TMEM41A: variants seen among roughly 807,000 people sequenced by gnomAD.
TMEM41A encodes transmembrane protein 41A.
In TMEM41A, 20 loss-of-function variants were observed where a neutral mutation model predicts 25.7. The observed-to-expected ratio is 0.78, with a 90% confidence interval of 0.55 to 1.13. The LOEUF is 1.13. Ranked by LOEUF, TMEM41A falls within the 50% of genes most tolerant of loss-of-function variation. The pLI is 0.00. For missense variants in TMEM41A, 299 were observed against 314.3 expected, an observed-to-expected ratio of 0.95 and a Z score of 0.37; for synonymous variants, 133 against 139.6, an observed-to-expected ratio of 0.95 and a Z score of 0.33.
chr3:185,492,963 G>A (rs919514684), intron 4 of TMEM41A: 2 of 152,186 alleles, frequency 1.3e-5, no homozygotes, highest in East Asian at 1.9e-4. Flanking sequence ...AAAATTGGCC[G>A]TGGTAGATCT....
At position 185,496,962 on chromosome 3, in the gene TMEM41A, C is replaced by T. The variant is rs139998239; in HGVS notation, c.139G>A (p.Asp47Asn). 87 of 1,597,410 alleles carry T rather than the reference C, an allele frequency of 5.4e-5. No individual in the cohort carries two copies. The highest frequency in any genetic ancestry group is 8.8e-5 in the Admixed American group (5 of 56,726). ...GAGAGCTCCCGCAGCTCTGCCAGGTCGGAGGGGAACCACAGCGACCTGGGG... is the reference window on the plus strand; with the variant it reads ...GAGAGCTCCCGCAGCTCTGCCAGGTTGGAGGGGAACCACAGCGACCTGGGG... Reference protein sequence around the residue: ...AGGRSLWFPSDLAELRELSEV... With the variant: ...AGGRSLWFPSNLAELRELSEV... Residue 47 changes from aspartate (D) to asparagine (N), a missense_variant, in exon 2 of 5, where the codon GAC (aspartate) becomes AAC (asparagine). Transcript: ENST00000421852.
intron 4 of TMEM41A, chr3:185,493,038 GAT>G (rs1346000336): frequency 6.6e-6 from 1 of 152,220 alleles, no homozygotes; most frequent in African/African-American, 2.4e-5. Flanking sequence ...CTCAACCACA[GAT>G]TTGCTCTGTT....
intron 1 of TMEM41A, among the ~76,000 whole-genome samples, chr3:185,497,583 C>T (rs1719140584): frequency 6.6e-6 from 1 of 152,202 alleles, no homozygotes; most frequent in African/African-American, 2.4e-5. Flanking sequence ...TTCAAAGAGC[C>T]TACTATTTAA....
rs1718956296 is a variant in TMEM41A at position 185,491,675 on chromosome 3, C to G, written c.657G>C (p.Trp219Cys). ...TGGCCAACAGCTTAAAGACAGTGTC[C>G]CAGGAGAAAAGAGCATCCAGAGAGG... ...TLTSLDALFS[W>C]DTVFKLLAIA... The change falls in exon 5 of 5, where the codon TGG becomes TGC. Residue 219 changes from tryptophan (W) to cysteine (C), a missense_variant. Physicochemically the swap from Trp to Cys is radical, Grantham distance 215. Coordinates refer to ENST00000421852, the MANE Select transcript of TMEM41A (RefSeq NM_080652.4). The G allele has an allele frequency of 4.3e-6, 7 of 1,614,106 alleles. No individual in the cohort carries two copies. The highest frequency in any genetic ancestry group is 5.9e-6 in the Non-Finnish European group (7 of 1,180,026).
Position 185,494,642 on chromosome 3 carries a change from G to C in TMEM41A, c.555C>G (p.Phe185Leu), listed in dbSNP as rs1000079100. ...TCTTACCGATAAGAACTGAGAAGAA[G>C]AACTGCACGATGGGAATGTTCAGAA... ...APILNIPIVQ[F>L]FFSVLIGLIP... The change falls in exon 4 of 5, where the codon TTC (phenylalanine) becomes TTG (leucine). Residue 185 changes from phenylalanine (F) to leucine (L), a missense_variant. Transcript: ENST00000421852. 1 of 1,608,766 alleles carries C rather than the reference G, an allele frequency of 6.2e-7. No individual in the cohort carries two copies. Among genetic ancestry groups the C allele is most frequent in the African/African-American group, 1.3e-5 (1 of 74,556 alleles).
chr3:185,496,520 T>C (rs890132240), intron 2 of TMEM41A: 52 of 391,652 alleles, frequency 1.3e-4, no homozygotes, highest in Non-Finnish European at 2.0e-4. Flanking sequence ...ACACCTCCCC[T>C]GCCTCTCTTG....
At chr3:185,498,739 C>A in intron 1 of TMEM41A, 104 bp downstream of exon 1, 1 of 845,606 alleles carries the variant, frequency 1.2e-6, no homozygotes, top group Non-Finnish European at 1.8e-6. Context: ...CAATTCCCAA[C>A]GCCTCCGATA....
intron 2 of TMEM41A, 164 bp downstream of exon 2, chr3:185,496,664 C>T (rs1351937365): frequency 2.0e-5 from 16 of 820,308 alleles, no homozygotes; most frequent in South Asian, 3.2e-5. Flanking sequence ...TCTCCCACTT[C>T]GGTGCTCAAT....
At chr3:185,495,117 T>C (rs756114191) in intron 3 of TMEM41A, 37 bp downstream of exon 3, 2 of 1,609,832 alleles carry the variant, frequency 1.2e-6, no homozygotes, top group Middle Eastern at 1.7e-4. Context: ...AGCGACTGTC[T>C]GGGGTCCCAG....
rs752047398 is a variant in TMEM41A at position 185,498,864 on chromosome 3, G to A, written c.98C>T (p.Ser33Phe). 4 of 1,604,830 alleles carry A rather than the reference G, an allele frequency of 2.5e-6. No homozygotes were observed. Among genetic ancestry groups the A allele is most frequent in the South Asian group, 1.1e-5 (1 of 89,460 alleles). The change falls in exon 1 of 5, where the codon TCC (serine) becomes TTC (phenylalanine). Residue 33 changes from serine to phenylalanine, a missense_variant. Transcript: ENST00000421852. ...GCACCTGCCTCCAGCCTCCTCGGTG[G>A]AGCCCAGTCTCCGCCCGCGGGGCAG... is the stretch of plus-strand genomic sequence containing the variant. ...TRLPRGRRLG[S>F]TEEAGGRSLW...
chr3:185,490,237 C>G lies in TMEM41A; in HGVS notation c.*1300G>C, dbSNP rs1476220280. ...TTAAGATACAACACAACAAAGTTAT[C>G]AGAAGCCAAGGTTTCCTCTTTGAAT... is the stretch of plus-strand genomic sequence containing the variant. On this transcript the variant is annotated 3_prime_UTR_variant, in exon 5 of 5. Transcript: ENST00000421852. The G allele has an allele frequency of 1.3e-5, 2 of 152,144 alleles. No homozygotes were observed. The highest frequency in any genetic ancestry group is 3.8e-4 in the East Asian group (2 of 5,200). The allele number at this position is 152,144 out of a possible 1,614,324, so 9.4% of individuals were successfully genotyped here.
At position 185,497,129 on chromosome 3, in the gene TMEM41A, T is replaced by C. The variant is rs538527171; in HGVS notation, c.120-148A>G. On this transcript the variant is annotated intron_variant, in intron 1 of 4. Coordinates refer to ENST00000421852, the MANE Select transcript of TMEM41A (RefSeq NM_080652.4). ...GAACACATACACTCCCAATGACAGA[T>C]GACCTGATACGACGTTGCGGAGACA... The C allele has an allele frequency of 6.4e-6, 7 of 1,094,310 alleles. No homozygotes were observed. The South Asian group carries it at 1.1e-4, about 18-fold the overall frequency. 67.8% of individuals were successfully genotyped at this position (1,094,310 alleles called of 1,614,324 possible).
chr3:185,491,707 T>A lies in TMEM41A; in HGVS notation c.625A>T (p.Thr209Ser), dbSNP rs760569648. ...ICVQTGSILSTLTSLDALFSW... is the reference protein window; with the variant it reads ...ICVQTGSILSSLTSLDALFSW... ...AAAAGAGCATCCAGAGAGGTTAGGG[T>A]TGACAGGATGGACCCTGTCTGCACA... The change falls in exon 5 of 5, where the codon ACC becomes TCC. Residue 209 changes from threonine (T) to serine (S), a missense_variant. Physicochemically the swap from Thr to Ser is moderately conservative, Grantham distance 58. Transcript: ENST00000421852. 1 of 1,614,134 alleles carries A rather than the reference T, an allele frequency of 6.2e-7. No homozygotes were observed. Among genetic ancestry groups the A allele is most frequent in the Non-Finnish European group, 8.5e-7 (1 of 1,180,032 alleles).
intron 3 of TMEM41A, 104 bp downstream of exon 3, chr3:185,495,050 C>T (rs917559927): frequency 5.8e-6 from 8 of 1,382,508 alleles, no homozygotes; most frequent in Admixed American, 3.7e-5. Flanking sequence ...CCTGAAACAG[C>T]GTGGAAGAGT....
intron 4 of TMEM41A, chr3:185,492,444 T>C (rs1718986510): frequency 6.6e-6 from 1 of 152,216 alleles, no homozygotes; most frequent in South Asian, 2.1e-4. Flanking sequence ...AATTTGGTTC[T>C]GAGTACCCAA....
chr3:185,498,596 T>G (rs939312241), intron 1 of TMEM41A: 3 of 444,702 alleles, frequency 6.7e-6, no homozygotes, highest in Admixed American at 9.0e-5. Context: ...CGTGACGCCC[T>G]GCACACCCTG....
chr3:185,497,018 A>G (rs751924824), intron 1 of TMEM41A, 37 bp from the exon 2 acceptor site: 35 of 1,566,360 alleles, frequency 2.2e-5, no homozygotes, highest in Non-Finnish European at 2.9e-5. Flanking sequence ...ACATGAGTTC[A>G]GATCAGTCCA....
chr3:185,498,219 C>A (rs1168298305), intron 1 of TMEM41A, among the ~76,000 whole-genome samples: 1 of 148,514 alleles, frequency 6.7e-6, no homozygotes. Context: ...GAGCCGAGAT[C>A]GCGCCACTGC....
chr3:185,497,446 A>G (rs1719135802), intron 1 of TMEM41A, among the ~76,000 whole-genome samples: 1 of 152,228 alleles, frequency 6.6e-6, no homozygotes, highest in African/African-American at 2.4e-5. Context: ...ACTGTTCCTG[A>G]GGTGCCAAGT....
Sources: gnomAD v4.1 joint callset for allele counts (sites outside exome capture counted in the v4.1 genomes callset) on GRCh38, gnomAD v4.1.1 for gene constraint, MANE v1.5 for transcripts, NCBI Gene and HGNC (gene_info 2026-07-23, HGNC 2026-07-21) for gene names.